Variants in GALNT13 observed in about 807,000 individuals in gnomAD.
GALNT13 encodes the protein UDP-GalNAc:polypeptide N-acetylgalactosaminyltransferase 13.
In GALNT13, 28 loss-of-function variants were observed where a neutral mutation model predicts 64.2. The observed-to-expected ratio is 0.44, with a 90% CI of 0.32 to 0.60. The LOEUF (loss-of-function observed/expected upper bound fraction) is 0.60, where lower values mean the gene tolerates loss of function less well. Among genes scored for constraint, GALNT13 ranks in the 20% least tolerant of loss-of-function variants. GALNT13 has a pLI of 0.05. For missense variants in GALNT13, 577 were observed against 669.8 expected (o/e 0.86, Z 1.53); for synonymous variants, 214 against 224.6 (o/e 0.95, Z 0.42).
At chr2:154,150,359 T>TG (rs1381634860) in intron 4 of GALNT13, among the ~76,000 whole-genome samples, 1 of 151,396 alleles carries the variant, frequency 6.6e-6, no homozygotes, top group East Asian at 1.9e-4. Context: ...TTTGCTTCAA[T>TG]GTTCATCAAG....
At chr2:153,309,644 G>A in the GALNT13 span, among the ~76,000 whole-genome samples, 5 of 151,646 alleles carry the variant, frequency 3.3e-5, no homozygotes, top group Non-Finnish European at 7.4e-5. Context: ...GAGTTCATAA[G>A]TTTCATCTCT....
chr2:153,501,168 G>A, the GALNT13 span, among the ~76,000 whole-genome samples: 40 of 152,108 alleles, frequency 2.6e-4, no homozygotes, highest in African/African-American at 8.9e-4. Flanking sequence ...CCAGATTACC[G>A]TAAGTCATTT....
the GALNT13 span, among the ~76,000 whole-genome samples, chr2:153,603,184 T>G: frequency 6.6e-6 from 1 of 152,032 alleles, no homozygotes; most frequent in East Asian, 1.9e-4. Context: ...GAAGTACTTG[T>G]GCATCTTCTG....
intron 1 of GALNT13, among the ~76,000 whole-genome samples, chr2:153,898,235 G>C (rs1484120688): frequency 6.6e-6 from 1 of 152,054 alleles, no homozygotes; most frequent in Non-Finnish European, 1.5e-5. Flanking sequence ...CGAAGGACTT[G>C]GATTTGTGTG....
At chr2:154,099,075 A>G (rs1466399649) in intron 3 of GALNT13, among the ~76,000 whole-genome samples, 1 of 152,086 alleles carries the variant, frequency 6.6e-6, no homozygotes, top group Non-Finnish European at 1.5e-5. Context: ...CATTCATACC[A>G]ACATCTGTTG....
chr2:153,500,203 T>C, the GALNT13 span, among the ~76,000 whole-genome samples: 455 of 152,274 alleles, frequency 3.0e-3, 17 homozygotes, highest in East Asian at 0.083. Flanking sequence ...CAGAGGCCTA[T>C]CTAAGGGTTC....
At chr2:154,118,265 A>G (rs1460392345) in intron 3 of GALNT13, among the ~76,000 whole-genome samples, 2 of 144,262 alleles carry the variant, frequency 1.4e-5, no homozygotes, top group African/African-American at 5.1e-5. Flanking sequence ...TTATCATTAT[A>G]TTATGTCCCT....
At chr2:153,440,831 G>A in the GALNT13 span, among the ~76,000 whole-genome samples, 1 of 151,464 alleles carries the variant, frequency 6.6e-6, no homozygotes, top group East Asian at 1.9e-4. Flanking sequence ...TAAGTTTTTT[G>A]TATCTTCTGG....
At chr2:153,645,897 G>A in the GALNT13 span, among the ~76,000 whole-genome samples, 1 of 152,060 alleles carries the variant, frequency 6.6e-6, no homozygotes, top group African/African-American at 2.4e-5. Context: ...TAGGCAACCA[G>A]CACCCATTCT....
the GALNT13 span, among the ~76,000 whole-genome samples, chr2:153,471,203 C>T: frequency 6.6e-6 from 1 of 152,114 alleles, no homozygotes. Flanking sequence ...AACAGATTAG[C>T]AGAAGATAGG....
chr2:154,254,623 TA>T (rs34730523), intron 7 of GALNT13, among the ~76,000 whole-genome samples: 29,483 of 152,028 alleles, frequency 0.19, 3,630 homozygotes, highest in Admixed American at 0.32. Flanking sequence ...GAATTAGGCA[TA>T]AAAAATGTGG....
At chr2:154,188,705 AC>A (rs1686399081) in intron 4 of GALNT13, among the ~76,000 whole-genome samples, 1 of 152,120 alleles carries the variant, frequency 6.6e-6, no homozygotes. Context: ...GTAGGATGTG[AC>A]CTTTTTTTTA....
intron 3 of GALNT13, among the ~76,000 whole-genome samples, chr2:153,949,059 C>G (rs570700254): frequency 6.6e-6 from 1 of 152,108 alleles, no homozygotes; most frequent in African/African-American, 2.4e-5. Flanking sequence ...TTTAGATACA[C>G]AAATACAATT....
At chr2:154,336,178 T>C (rs993871994) in intron 9 of GALNT13, among the ~76,000 whole-genome samples, 16 of 152,058 alleles carry the variant, frequency 1.1e-4, no homozygotes, top group Admixed American at 7.9e-4. Context: ...CTTGCTTTGT[T>C]TGGGATTAAA....
At chr2:154,090,652 GA>G (rs1185024103) in intron 3 of GALNT13, among the ~76,000 whole-genome samples, 1 of 151,932 alleles carries the variant, frequency 6.6e-6, no homozygotes, top group East Asian at 1.9e-4. Context: ...TCAGAGTCAG[GA>G]AATCGCTTCA....
the GALNT13 span, among the ~76,000 whole-genome samples, chr2:153,319,277 C>T: frequency 1.3e-5 from 2 of 152,044 alleles, no homozygotes; most frequent in Non-Finnish European, 2.9e-5. Context: ...TATTATTTTA[C>T]TTTCTAAGAT....
the GALNT13 span, among the ~76,000 whole-genome samples, chr2:153,093,148 C>A: frequency 6.6e-6 from 1 of 151,794 alleles, no homozygotes; most frequent in Non-Finnish European, 1.5e-5. Flanking sequence ...GTATAGTGTA[C>A]CACATTGATT....
chr2:153,868,570 C>T (rs1253728430), upstream of GALNT13, among the ~76,000 whole-genome samples: 1 of 152,176 alleles, frequency 6.6e-6, no homozygotes, highest in Non-Finnish European at 1.5e-5. Flanking sequence ...TAATAATTTG[C>T]CAAAACCTGG....
chr2:153,998,486 G>T (rs1219572181), intron 3 of GALNT13, among the ~76,000 whole-genome samples: 1 of 152,068 alleles, frequency 6.6e-6, no homozygotes, highest in Non-Finnish European at 1.5e-5. Context: ...TTTTTTGATA[G>T]AATTGTTTGT....
Sources: gnomAD v4.1 joint callset for allele counts (sites outside exome capture counted in the v4.1 genomes callset) on GRCh38, gnomAD v4.1.1 for gene constraint, MANE v1.5 for transcripts, NCBI Gene and HGNC (gene_info 2026-07-23, HGNC 2026-07-21) for gene names.